Variants in MIAT observed in about 807,000 individuals in gnomAD.
MIAT encodes the protein myocardial infarction associated transcript.
chr22:26,648,968 G>A (rs1284423063), intron 2 of MIAT, among the ~76,000 whole-genome samples: 1 of 151,666 alleles, frequency 6.6e-6, no homozygotes, highest in Non-Finnish European at 1.5e-5. Context: ...CCAGGCTGAA[G>A]TCAAATCACT....
intron 2 of MIAT, among the ~76,000 whole-genome samples, chr22:26,659,989 C>T (rs1422512475): frequency 6.6e-6 from 1 of 151,414 alleles, no homozygotes; most frequent in East Asian, 2.0e-4. Flanking sequence ...GCATGTGCCA[C>T]CATGCCCAGC....
chr22:26,672,894 C>A (rs1039084900), downstream of MIAT: 10 of 398,376 alleles, frequency 2.5e-5, no homozygotes, highest in Non-Finnish European at 3.5e-5. Flanking sequence ...ATTTCTGACA[C>A]CGGAAGTCAG....
At chr22:26,661,473 A>C (rs1930659782) in intron 2 of MIAT, among the ~76,000 whole-genome samples, 1 of 152,130 alleles carries the variant, frequency 6.6e-6, no homozygotes, top group African/African-American at 2.4e-5. Flanking sequence ...AAAGGTGTGG[A>C]GTAGATGATG....
exon 6 of MIAT, chr22:26,669,483 C>T (rs1164195205): frequency 2.5e-5 from 10 of 398,458 alleles, no homozygotes; most frequent in East Asian, 1.4e-4. Flanking sequence ...GGTGTCTCCT[C>T]CTCTTCTTAT....
chr22:26,665,948 G>A (rs1253826066), exon 4 of MIAT: 2 of 398,530 alleles, frequency 5.0e-6, no homozygotes, highest in South Asian at 1.3e-4. Flanking sequence ...CTGATGATGT[G>A]AACCAGCCCT....
chr22:26,659,742 A>G (rs1930591335), intron 2 of MIAT, among the ~76,000 whole-genome samples: 1 of 150,948 alleles, frequency 6.6e-6, no homozygotes, highest in African/African-American at 2.4e-5. Context: ...AAATTCAATA[A>G]GTTTAATAAA....
chr22:26,663,952 T>G (rs947659335), intron 3 of MIAT, among the ~76,000 whole-genome samples: 1 of 76,242 alleles, frequency 1.3e-5, no homozygotes, highest in Non-Finnish European at 2.9e-5. Flanking sequence ...AGAAGTAGAT[T>G]GGATTCTTTT....
chr22:26,665,247 A>AAAAGAAAGAAAGAAAG (rs10529015), intron 3 of MIAT, among the ~76,000 whole-genome samples: 6,885 of 144,146 alleles, frequency 0.048, 215 homozygotes, highest in East Asian at 0.11. Context: ...TCTCCAGAAA[A>AAAAGAAAGAAAGAAAG]AAAGAAAGAA....
intron 1 of MIAT, chr22:26,647,060 T>C (rs1016497686): frequency 5.0e-6 from 2 of 397,936 alleles, no homozygotes; most frequent in Admixed American, 4.4e-5. Context: ...TTAGAAGGCA[T>C]AAGCAGCTGG....
At chr22:26,662,283 C>T (rs563910796) in intron 2 of MIAT, among the ~76,000 whole-genome samples, 11 of 152,176 alleles carry the variant, frequency 7.2e-5, no homozygotes, top group Middle Eastern at 3.4e-3. Context: ...ACACCCTCTG[C>T]CCCTTTGGGG....
downstream of MIAT, chr22:26,669,770 T>C (rs1349528201): frequency 5.0e-6 from 2 of 398,760 alleles, no homozygotes; most frequent in East Asian, 7.1e-5. Flanking sequence ...GGTACCATGC[T>C]GGGGTGGCTC....
chr22:26,670,550 C>A (rs1409545666), downstream of MIAT: 4 of 394,924 alleles, frequency 1.0e-5, no homozygotes, highest in Non-Finnish European at 1.8e-5. Flanking sequence ...AGATGATACC[C>A]GACCCTCTAG....
intron 2 of MIAT, chr22:26,650,627 G>A (rs75234394): frequency 0.022 from 3,423 of 152,394 alleles, 57 homozygotes; most frequent in Admixed American, 0.036. Flanking sequence ...ACTGGGGGCA[G>A]GACAGAGATA....
At chr22:26,657,054 C>T (rs1027037512) in intron 2 of MIAT, among the ~76,000 whole-genome samples, 1 of 152,236 alleles carries the variant, frequency 6.6e-6, no homozygotes, top group African/African-American at 2.4e-5. Flanking sequence ...AGGCATACAC[C>T]CGAGGTCTTC....
At chr22:26,655,520 C>T (rs1930412113) in intron 2 of MIAT, among the ~76,000 whole-genome samples, 1 of 152,168 alleles carries the variant, frequency 6.6e-6, no homozygotes. Flanking sequence ...TTACTAGGTG[C>T]CAGCAACTGT....
chr22:26,672,704 C>G (rs140227506), downstream of MIAT: 3 of 398,952 alleles, frequency 7.5e-6, no homozygotes, highest in Admixed American at 4.4e-5. Context: ...GGGCGTGCCC[C>G]TCACCGGAAA....
downstream of MIAT, chr22:26,672,785 CG>C (rs1931100290): frequency 2.5e-6 from 1 of 398,602 alleles, no homozygotes; most frequent in Non-Finnish European, 4.4e-6. Context: ...GTCAATGAAG[CG>C]GGTCTTTCCT....
At chr22:26,656,618 T>C (rs9608515) in intron 2 of MIAT, among the ~76,000 whole-genome samples, 127,172 of 152,194 alleles carry the variant, frequency 0.84, 53,197 homozygotes, top group South Asian at 0.92. Flanking sequence ...GCGCCTGGCC[T>C]CGAATTGGAT....
At chr22:26,653,512 C>T (rs1055194363) in intron 2 of MIAT, among the ~76,000 whole-genome samples, 5 of 152,236 alleles carry the variant, frequency 3.3e-5, no homozygotes, top group African/African-American at 9.6e-5. Context: ...TTTTCCCATT[C>T]CTGTACGTAG....
Sources: gnomAD v4.1 joint callset for allele counts (sites outside exome capture counted in the v4.1 genomes callset) on GRCh38, gnomAD v4.1.1 for gene constraint, MANE v1.5 for transcripts, NCBI Gene and HGNC (gene_info 2026-07-23, HGNC 2026-07-21) for gene names.